Variants in SFI1 observed in about 807,000 individuals in gnomAD.
SFI1 encodes protein SFI1 homolog.
SFI1 carries 195 observed loss-of-function variants against 207.5 expected under a neutral mutation model. The ratio of observed to expected loss-of-function variants is 0.94; its 90% confidence interval spans 0.84 to 1.06. The LOEUF (loss-of-function observed/expected upper bound fraction) is 1.06, where lower values mean the gene tolerates loss of function less well. Ranked by LOEUF, SFI1 falls within the 50% of genes least tolerant of loss-of-function variation. SFI1 has a pLI of 0.00. For missense variants in SFI1, 1,634 were observed against 1,588.0 expected (o/e 1.03, Z -0.49); for synonymous variants, 630 against 598.9 (o/e 1.05, Z -0.76).
At chr22:31,520,539 C>G (rs2057096976) in intron 2 of SFI1, among the ~76,000 whole-genome samples, 1 of 152,068 alleles carries the variant, frequency 6.6e-6, no homozygotes, top group South Asian at 2.1e-4. Context: ...TTCTAATACT[C>G]ACGGAGGGTT....
intron 4 of SFI1, among the ~76,000 whole-genome samples, chr22:31,540,600 A>G (rs1193511769): frequency 6.9e-6 from 1 of 144,050 alleles, no homozygotes; most frequent in African/African-American, 2.6e-5. Flanking sequence ...TTTTTTTTTT[A>G]AACAGAGTTT....
chr22:31,508,948 A>C (rs1220556844), intron 2 of SFI1, among the ~76,000 whole-genome samples: 1 of 152,146 alleles, frequency 6.6e-6, no homozygotes, highest in Non-Finnish European at 1.5e-5. Flanking sequence ...TCCTATTTTT[A>C]GTATGTCATC....
intron 21 of SFI1, among the ~76,000 whole-genome samples, chr22:31,607,019 C>T (rs760173685): frequency 1.3e-5 from 2 of 151,762 alleles, no homozygotes; most frequent in Non-Finnish European, 2.9e-5. Context: ...AGCCGAATTG[C>T]ACCACTGCAC....
rs531969232 is a variant in SFI1, at chr22:31,594,712, G to A, written c.1544+5135G>A. On this transcript the variant is annotated intron_variant, in intron 15 of 32. Transcript: ENST00000400288. ...CTGCTAAAAATACAAAAAATTAGCC[G>A]GGCGTGGTGGTGGGCGACTGTAGTC... is the stretch of plus-strand genomic sequence containing the variant. Among the ~76,000 whole-genome samples the A allele has an allele frequency of 4.6e-3, 695 of 150,494 alleles. 6 individuals are homozygous for A. The highest frequency in any genetic ancestry group is 0.016 in the African/African-American group (652 of 40,996).
At chr22:31,557,321 G>A (rs543479632) in intron 7 of SFI1, among the ~76,000 whole-genome samples, 2 of 152,096 alleles carry the variant, frequency 1.3e-5, no homozygotes, top group East Asian at 3.9e-4. Flanking sequence ...TAGGACTACA[G>A]GCATGCGCCA....
chr22:31,605,109 CT>C, intron 20 of SFI1, 164 bp downstream of exon 20: 2 of 598,914 alleles, frequency 3.3e-6, no homozygotes, highest in Non-Finnish European at 5.7e-6. Context: ...ACGGGTTCGC[CT>C]TCATGTCTTA....
intron 2 of SFI1, among the ~76,000 whole-genome samples, chr22:31,525,332 TG>T (rs2057779209): frequency 6.6e-6 from 1 of 152,040 alleles, no homozygotes; most frequent in Non-Finnish European, 1.5e-5. Flanking sequence ...GGGTGAGAGG[TG>T]GGGAGTCTAG....
intron 8 of SFI1, among the ~76,000 whole-genome samples, chr22:31,567,179 A>G (rs531930677): frequency 6.6e-6 from 1 of 152,322 alleles, no homozygotes; most frequent in South Asian, 2.1e-4. Flanking sequence ...TGTTGGGATT[A>G]CAGGCGTGAG....
rs758333852 is a variant in SFI1, at chr22:31,614,833, TC to T, written c.3043del (p.Leu1015CysfsTer18). 1 of 1,613,706 alleles carries T rather than the reference TC, an allele frequency of 6.2e-7. No homozygotes were observed. The highest frequency in any genetic ancestry group is 8.5e-7 in the Non-Finnish European group (1 of 1,179,998). ...SARKQPRRPH[F>X]LLEPAQSQRP... is the part of the protein sequence containing the mutation. ...AGGAAGCAGCCGCGACGCCCACACT[TC>T]CTGTTGGAGCCTGCGCAGAGCCAGA... On this transcript the variant is annotated frameshift_variant, in exon 28 of 33. Coordinates refer to ENST00000400288, the MANE Select transcript of SFI1 (RefSeq NM_001007467.3). LOFTEE classifies it high-confidence loss of function.
chr22:31,501,430 A>G (rs941831671), intron 1 of SFI1, among the ~76,000 whole-genome samples: 2 of 152,092 alleles, frequency 1.3e-5, no homozygotes, highest in East Asian at 3.9e-4. Flanking sequence ...TCGGCCTCCC[A>G]AAGTGCTGGG....
rs192897578 is a variant in SFI1 at position 31,564,626 on chromosome 22, T to A, written c.765+3234T>A. On this transcript the variant is annotated intron_variant, in intron 8 of 32. Coordinates refer to ENST00000400288, the MANE Select transcript of SFI1 (RefSeq NM_001007467.3). The stretch of plus-strand genomic sequence containing the variant: ...CTTAAGTGATCCTCCCACCTCAGCC[T>A]CCCAAGTAGCTGAGAACACAGGCAT... Among the ~76,000 whole-genome samples, 281 of 151,640 alleles carry A rather than the reference T, an allele frequency of 1.9e-3. 1 individual carries two copies. Among genetic ancestry groups the A allele is most frequent in the Non-Finnish European group, 3.3e-3 (224 of 67,942 alleles).
intron 29 of SFI1, chr22:31,615,709 G>A (rs2071311305): frequency 6.1e-6 from 1 of 163,158 alleles, no homozygotes; most frequent in African/African-American, 2.4e-5. Flanking sequence ...CTGGTGGCCT[G>A]GGCTCAGCGG....
chr22:31,605,185 C>T (rs911648996), intron 20 of SFI1: 35 of 352,034 alleles, frequency 9.9e-5, no homozygotes, highest in African/African-American at 6.3e-4. Context: ...TTAAAGGCCA[C>T]TTGTCTTGCT....
chr22:31,618,454 G>T lies in SFI1; in HGVS notation c.*36G>T, dbSNP rs995374688. On this transcript the variant is annotated 3_prime_UTR_variant, in exon 33 of 33. Coordinates refer to ENST00000400288, the MANE Select transcript of SFI1 (RefSeq NM_001007467.3). The stretch of plus-strand genomic sequence containing the variant: ...CCAGGAACGCAGGTGCTGGGCTGTC[G>T]GGGAGGCCTCAGGCCACCTCCAGGA... 2 of 1,496,686 alleles carry T rather than the reference G, an allele frequency of 1.3e-6. No homozygotes were observed. Among genetic ancestry groups the T allele is most frequent in the Non-Finnish European group, 1.8e-6 (2 of 1,121,910 alleles). 92.7% of individuals were successfully genotyped at this position (1,496,686 alleles called of 1,614,324 possible).
intron 19 of SFI1, 191 bp downstream of exon 19, chr22:31,604,595 A>G: frequency 1.7e-6 from 1 of 599,822 alleles, no homozygotes; most frequent in Non-Finnish European, 2.9e-6. Flanking sequence ...CCAAGTGGAA[A>G]CAAGTGCTGT....
At chr22:31,598,794 T>C (rs1381592251) in intron 15 of SFI1, among the ~76,000 whole-genome samples, 45 of 108,092 alleles carry the variant, frequency 4.2e-4, no homozygotes, top group South Asian at 1.3e-3. Flanking sequence ...TTTATCTTTT[T>C]TTTTTTTTTT....
rs555643518 is a variant in SFI1, at chr22:31,608,031, G to C, written c.2252G>C (p.Arg751Thr). The change falls in exon 22 of 33, where the codon AGG becomes ACG. Residue 751 changes from arginine (R) to threonine (T), a missense_variant and splice_region_variant. Coordinates refer to ENST00000400288, the MANE Select transcript of SFI1 (RefSeq NM_001007467.3). ...AIWEAQKVLD[R>T]GCLRTWFQRW... ...TGGGAGGCCCAGAAGGTGCTGGACA[G>C]GGGTAAGTGGGGCCCCAGAAGCAAG... The C allele has an allele frequency of 2.1e-5, 34 of 1,613,516 alleles. No homozygotes were observed. In the African/African-American group the frequency reaches 4.3e-4, roughly 20 times the overall value.
intron 7 of SFI1, among the ~76,000 whole-genome samples, chr22:31,559,296 G>A (rs948532544): frequency 1.3e-5 from 2 of 151,934 alleles, no homozygotes; most frequent in Admixed American, 1.3e-4. Context: ...GATGGTGCAC[G>A]CCTATAATCC....
intron 14 of SFI1, among the ~76,000 whole-genome samples, chr22:31,586,898 C>T (rs1020484109): frequency 6.6e-6 from 1 of 152,174 alleles, no homozygotes; most frequent in Non-Finnish European, 1.5e-5. Context: ...AAGAGCACTG[C>T]TTAGTCATTC....
Sources: gnomAD v4.1 joint callset for allele counts (sites outside exome capture counted in the v4.1 genomes callset) on GRCh38, gnomAD v4.1.1 for gene constraint, MANE v1.5 for transcripts, NCBI Gene and HGNC (gene_info 2026-07-23, HGNC 2026-07-21) for gene names.